The following ZBTB40 variants were observed in gnomAD, a reference collection of about 807,000 sequenced individuals.
ZBTB40 encodes the protein zinc finger and BTB domain containing 40.
A neutral mutation model predicts 117.5 loss-of-function variants in ZBTB40; 60 were observed. The ratio of observed to expected loss-of-function variants is 0.51; its 90% CI spans 0.41 to 0.63. The LOEUF is 0.63. Ranked by LOEUF, ZBTB40 falls within the 30% of genes least tolerant of loss-of-function variation. The pLI is 0.00. For synonymous variants in ZBTB40, 525 were observed against 577.1 expected (o/e 0.91, Z 1.29); for missense variants, 1,287 against 1,498.5 (o/e 0.86, Z 2.33).
chr1:22,521,097 T>C (rs1422677173), intron 14 of ZBTB40, among the ~76,000 whole-genome samples: 1 of 152,246 alleles, frequency 6.6e-6, no homozygotes, highest in African/African-American at 2.4e-5. Context: ...TGCAGCTCAC[T>C]GGTAAAGCAC....
Position 22,501,478 on chromosome 1 carries a change from CT to C in ZBTB40, c.832-10del, listed in dbSNP as rs764221406. 1.4e-5 allele frequency: 22 copies of C among 1,613,948 alleles called. No individual in the cohort carries two copies. In the East Asian group the frequency reaches 4.9e-4, roughly 36 times the overall value. ...GTTCGCTAATCTATCTTTCTGGGTA[CT>C]TTTGTTCCATAGATGATAGTGAAAT... On this transcript the variant is annotated splice_polypyrimidine_tract_variant and intron_variant, in intron 3 of 17. Transcript: ENST00000375647.
chr1:22,526,876 C>T lies in ZBTB40; in HGVS notation c.*480C>T, dbSNP rs866011774. ...GTGAGAGGGGCACCAACAGACAATT[C>T]GGGGACCTTAGGCCCCTTCCTGAGG... On this transcript the variant is annotated 3_prime_UTR_variant, in exon 18 of 18. Coordinates refer to ENST00000375647, the MANE Select transcript of ZBTB40 (RefSeq NM_014870.4). 3.3e-5 allele frequency: 9 copies of T among 269,292 alleles called. No homozygotes were observed. In the Admixed American group the frequency reaches 3.5e-4, roughly 10 times the overall value. 16.7% of individuals were successfully genotyped at this position (269,292 alleles called of 1,614,324 possible).
chr1:22,500,056 G>A (rs555536867), intron 3 of ZBTB40, among the ~76,000 whole-genome samples: 1 of 152,306 alleles, frequency 6.6e-6, no homozygotes, highest in East Asian at 1.9e-4. Flanking sequence ...TTGTCAAGTA[G>A]AAACATAAAG....
At position 22,517,276 on chromosome 1, in the gene ZBTB40, T is replaced by TA; in HGVS notation, c.2669-22dup. 1.9e-6 allele frequency: 3 copies of TA among 1,613,500 alleles called. 1 individual carries two copies. In the South Asian group the frequency reaches 3.3e-5, roughly 18 times the overall value. ...TGCCATAAATTTTTAGTGCTGACTC[T>TA]AATAAGCTCCTGTGTATTTGCAGGG... On this transcript the variant is annotated intron_variant, in intron 12 of 17. Transcript: ENST00000375647.
At chr1:22,490,787 A>C in intron 2 of ZBTB40, 142 bp downstream of exon 2, 1 of 927,418 alleles carries the variant, frequency 1.1e-6, no homozygotes, top group Non-Finnish European at 1.6e-6. Context: ...CCATTCTTTT[A>C]AAAGTGTCTG....
chr1:22,520,909 G>A (rs181142838), intron 14 of ZBTB40, among the ~76,000 whole-genome samples: 10 of 152,352 alleles, frequency 6.6e-5, no homozygotes, highest in Admixed American at 5.9e-4. Context: ...TGACATTAGC[G>A]TTCCAGAACG....
At chr1:22,445,071 T>C (rs758648349) in intron 1 of ZBTB40, among the ~76,000 whole-genome samples, 1 of 152,094 alleles carries the variant, frequency 6.6e-6, no homozygotes, top group Non-Finnish European at 1.5e-5. Context: ...TAACATACTT[T>C]GGTGCTGTGT....
intron 1 of ZBTB40, among the ~76,000 whole-genome samples, chr1:22,479,232 A>G (rs144926866): frequency 6.6e-6 from 1 of 152,316 alleles, no homozygotes; most frequent in Non-Finnish European, 1.5e-5. Flanking sequence ...TCTCACCAAC[A>G]TTTGGTGTTA....
At chr1:22,480,678 T>A (rs2007200) in intron 1 of ZBTB40, among the ~76,000 whole-genome samples, 1 of 152,070 alleles carries the variant, frequency 6.6e-6, no homozygotes, top group Non-Finnish European at 1.5e-5. Flanking sequence ...TTTCTCTATG[T>A]GAGTCCCTGT....
intron 1 of ZBTB40, among the ~76,000 whole-genome samples, chr1:22,469,622 T>A (rs1271862228): frequency 2.6e-5 from 4 of 152,184 alleles, no homozygotes; most frequent in Non-Finnish European, 4.4e-5. Flanking sequence ...AGTGGTGCGA[T>A]CTTGGGTCAC....
chr1:22,446,204 A>G (rs1055040421), intron 1 of ZBTB40, among the ~76,000 whole-genome samples: 1 of 149,096 alleles, frequency 6.7e-6, no homozygotes, highest in Admixed American at 6.8e-5. Context: ...AGGATATGTC[A>G]GTAGAAGCCT....
intron 8 of ZBTB40, among the ~76,000 whole-genome samples, 161 bp from the exon 9 acceptor site, chr1:22,508,939 T>C (rs1639152594): frequency 6.6e-6 from 1 of 152,240 alleles, no homozygotes; most frequent in South Asian, 2.1e-4. Flanking sequence ...TTCATTATTA[T>C]ACTCTGATTA....
chr1:22,512,752 G>A (rs1258258222), intron 11 of ZBTB40, among the ~76,000 whole-genome samples, 172 bp from the exon 12 acceptor site: 1 of 152,192 alleles, frequency 6.6e-6, no homozygotes, highest in Non-Finnish European at 1.5e-5. Flanking sequence ...TTGGTGGGTA[G>A]AGAGCAGCGT....
chr1:22,509,134 C>T lies in ZBTB40; in HGVS notation c.1734C>T (p.Ile578=), dbSNP rs546666939. The change falls in exon 9 of 18, where the codon ATC becomes ATT. Residue 578 remains isoleucine (I), a synonymous_variant. Transcript: ENST00000375647. ...CAGAACATGCCACTTTAGAAACAAT[C>T]CTGAGGCATAACCAGTTGATCTTGG... The part of the protein sequence containing the change: ...TTPEHATLET[I]LRHNQLILEA... 15 of 1,614,056 alleles carry T rather than the reference C, an allele frequency of 9.3e-6. No homozygotes were observed. In the African/African-American group the frequency reaches 1.6e-4, roughly 17 times the overall value.
chr1:22,496,113 A>G (rs777498466), intron 3 of ZBTB40, among the ~76,000 whole-genome samples: 11 of 152,354 alleles, frequency 7.2e-5, no homozygotes, highest in Non-Finnish European at 1.5e-4. Context: ...ATACAATGAG[A>G]CACAGTGGAT....
intron 3 of ZBTB40, among the ~76,000 whole-genome samples, chr1:22,499,926 G>A (rs1426675222): frequency 6.6e-6 from 1 of 152,188 alleles, no homozygotes; most frequent in East Asian, 1.9e-4. Context: ...AGCTCCTTTA[G>A]TGTGGTGGGG....
chr1:22,432,794 C>T (rs574742565), intron 1 of ZBTB40, among the ~76,000 whole-genome samples: 1 of 152,292 alleles, frequency 6.6e-6, no homozygotes, highest in Admixed American at 6.5e-5. Context: ...ACACAAATAG[C>T]AACTGTAATG....
chr1:22,496,412 C>T (rs950263491), intron 3 of ZBTB40, among the ~76,000 whole-genome samples: 7 of 152,188 alleles, frequency 4.6e-5, no homozygotes, highest in Admixed American at 3.9e-4. Context: ...TGATATAAAA[C>T]AACTAAGTTA....
Position 22,501,638 on chromosome 1 carries a change from A to C in ZBTB40, c.978A>C (p.Ala326=). Residue 326 remains alanine (A), a synonymous_variant, in exon 4 of 18, where the codon GCA becomes GCC. Transcript: ENST00000375647. ...YQYSNPAVKT[A]LLDRKPEDVD... ...ATTCTAATCCTGCAGTAAAAACAGC[A>C]CTATTAGACAGGAAGCCAGAAGATG... The C allele has an allele frequency of 6.2e-7, 1 of 1,614,148 alleles. No individual in the cohort carries two copies. The highest frequency in any genetic ancestry group is 1.7e-4 in the Middle Eastern group (1 of 6,048).
Sources: gnomAD v4.1 joint callset for allele counts (sites outside exome capture counted in the v4.1 genomes callset) on GRCh38, gnomAD v4.1.1 for gene constraint, MANE v1.5 for transcripts, NCBI Gene and HGNC (gene_info 2026-07-23, HGNC 2026-07-21) for gene names.